KANK4: variants seen among roughly 807,000 people sequenced by gnomAD.
KANK4 encodes the protein KN motif and ankyrin repeat domains 4.
A neutral mutation model predicts 80.8 loss-of-function variants in KANK4; 50 were observed. The ratio of observed to expected loss-of-function variants is 0.62; its 90% CI spans 0.49 to 0.78. The LOEUF is 0.78. KANK4 is among the 30% of genes least tolerant of loss of function. The pLI is 0.00. For synonymous variants in KANK4, 465 were observed against 506.9 expected (o/e 0.92, Z 1.11); for missense variants, 1,196 against 1,240.1 (o/e 0.96, Z 0.53).
intron 1 of KANK4, among the ~76,000 whole-genome samples, chr1:62,298,642 A>G (rs1644386684): frequency 6.6e-6 from 1 of 152,186 alleles, no homozygotes; most frequent in Non-Finnish European, 1.5e-5. Flanking sequence ...TAGCCCTTGA[A>G]GCCAGCTTCC....
intron 1 of KANK4, among the ~76,000 whole-genome samples, chr1:62,318,034 TTTCC>T (rs956638528): frequency 2.0e-4 from 30 of 152,200 alleles, no homozygotes; most frequent in Non-Finnish European, 1.3e-4. Flanking sequence ...CCAGTGTAGC[TTTCC>T]TGTGTCACAT....
intron 7 of KANK4, among the ~76,000 whole-genome samples, chr1:62,262,303 C>T (rs1164446143): frequency 1.3e-5 from 2 of 152,136 alleles, no homozygotes; most frequent in Admixed American, 1.3e-4. Flanking sequence ...AACATGAGAA[C>T]AATACCCACA....
rs1644487026 is a variant in KANK4, at chr1:62,310,185, C to T, written c.-71+8921G>A. On this transcript the variant is annotated intron_variant, in intron 1 of 9. Coordinates refer to ENST00000371153, the MANE Select transcript of KANK4 (RefSeq NM_181712.5). ...GGCAGCAAACTGGGGCAAAAGTCCTCACTCAGCTCAGTCATTCAATCCCCT... is the reference window on the plus strand; with the variant it reads ...GGCAGCAAACTGGGGCAAAAGTCCTTACTCAGCTCAGTCATTCAATCCCCT... Among the ~76,000 whole-genome samples, 3 of 152,222 alleles carry T rather than the reference C, an allele frequency of 2.0e-5. 1 individual carries two copies. The highest frequency in any genetic ancestry group is 4.4e-5 in the Non-Finnish European group (3 of 68,032).
intron 3 of KANK4, chr1:62,271,791 C>T: frequency 1.9e-6 from 1 of 522,542 alleles, no homozygotes; most frequent in East Asian, 3.3e-5. Context: ...AGAACTGTCT[C>T]TGTTAACAAT....
intron 1 of KANK4, among the ~76,000 whole-genome samples, chr1:62,294,375 C>G (rs750134112): frequency 1.3e-5 from 2 of 152,186 alleles, no homozygotes; most frequent in Non-Finnish European, 2.9e-5. Flanking sequence ...GGCACAAATA[C>G]TCCACAGGGG....
intron 8 of KANK4, among the ~76,000 whole-genome samples, chr1:62,251,046 T>C (rs1483581201): frequency 2.6e-5 from 4 of 152,208 alleles, no homozygotes; most frequent in Non-Finnish European, 5.9e-5. Context: ...CTCTAGACTA[T>C]CTTTTTAAGG....
At chr1:62,254,880 A>ATTTT (rs3066333) in intron 7 of KANK4, among the ~76,000 whole-genome samples, 4 of 65,730 alleles carry the variant, frequency 6.1e-5, no homozygotes, top group Non-Finnish European at 8.0e-5. Flanking sequence ...TAAACCTGGT[A>ATTTT]TTTTTTTTTT....
intron 2 of KANK4, among the ~76,000 whole-genome samples, chr1:62,280,540 G>A (rs116601058): frequency 0.011 from 1,669 of 152,288 alleles, 38 homozygotes; most frequent in African/African-American, 0.038. Context: ...TAAGTCCCGT[G>A]CCCGTGAAGG....
intron 1 of KANK4, among the ~76,000 whole-genome samples, chr1:62,308,896 T>G (rs1480581929): frequency 2.6e-5 from 4 of 152,034 alleles, no homozygotes; most frequent in Non-Finnish European, 5.9e-5. Flanking sequence ...AGGAGCAGGG[T>G]CCCCCTGACT....
At chr1:62,285,115 C>T (rs1040508559) in intron 1 of KANK4, among the ~76,000 whole-genome samples, 61 of 152,208 alleles carry the variant, frequency 4.0e-4, no homozygotes, top group African/African-American at 1.4e-3. Context: ...GAAACTAAGG[C>T]ACAAAGAGTC....
chr1:62,314,076 C>T (rs1644519858), intron 1 of KANK4, among the ~76,000 whole-genome samples: 1 of 152,094 alleles, frequency 6.6e-6, no homozygotes, highest in South Asian at 2.1e-4. Context: ...TACAGTGGCG[C>T]GATCTCGGCT....
intron 1 of KANK4, among the ~76,000 whole-genome samples, chr1:62,295,281 A>G (rs1349099635): frequency 6.6e-6 from 1 of 152,008 alleles, no homozygotes; most frequent in East Asian, 1.9e-4. Context: ...TACAGGGACT[A>G]TAGGCGCCCG....
intron 4 of KANK4, 117 bp from the exon 5 acceptor site, chr1:62,268,622 C>A (rs889639440): frequency 2.6e-6 from 2 of 774,252 alleles, no homozygotes; most frequent in Non-Finnish European, 2.2e-6. Context: ...TCTCCTCCCC[C>A]ACTCTCTACA....
At chr1:62,261,023 A>G (rs1671871687) in intron 7 of KANK4, among the ~76,000 whole-genome samples, 1 of 151,958 alleles carries the variant, frequency 6.6e-6, no homozygotes, top group African/African-American at 2.4e-5. Context: ...TCTGCCCCAA[A>G]CTGAATTATC....
intron 1 of KANK4, among the ~76,000 whole-genome samples, chr1:62,295,952 T>G (rs200795818): frequency 6.7e-5 from 1 of 15,010 alleles, no homozygotes; most frequent in African/African-American, 3.0e-3. Context: ...AAGTATTGAC[T>G]CTGTCCTGGG....
chr1:62,267,492 C>T (rs1570991815), intron 5 of KANK4, among the ~76,000 whole-genome samples: 1 of 152,124 alleles, frequency 6.6e-6, no homozygotes, highest in East Asian at 1.9e-4. Context: ...TGCCTGGCTG[C>T]TCCCATCACT....
At chr1:62,243,341 ATTTT>A (rs112696391) in intron 9 of KANK4, among the ~76,000 whole-genome samples, 1 of 146,760 alleles carries the variant, frequency 6.8e-6, no homozygotes. Flanking sequence ...GGACCAGATA[ATTTT>A]TTTTTTTTTT....
At chr1:62,260,088 T>A (rs1671843613) in intron 7 of KANK4, among the ~76,000 whole-genome samples, 1 of 151,012 alleles carries the variant, frequency 6.6e-6, no homozygotes, top group Non-Finnish European at 1.5e-5. Context: ...GGCCTCCACC[T>A]CCCTGCTCTC....
chr1:62,304,599 G>C (rs2149168912), intron 1 of KANK4, among the ~76,000 whole-genome samples: 1 of 151,760 alleles, frequency 6.6e-6, no homozygotes, highest in African/African-American at 2.4e-5. Context: ...GCCCCACCCA[G>C]CCCCATCCTC....
Sources: gnomAD v4.1 joint callset for allele counts (sites outside exome capture counted in the v4.1 genomes callset) on GRCh38, gnomAD v4.1.1 for gene constraint, MANE v1.5 for transcripts, NCBI Gene and HGNC (gene_info 2026-07-23, HGNC 2026-07-21) for gene names.